Variants in DDX60L observed in about 807,000 individuals in gnomAD.
The protein encoded by DDX60L is probable ATP-dependent RNA helicase DDX60-like.
In DDX60L, 191 loss-of-function variants were observed where a neutral mutation model predicts 211.6. The ratio of observed to expected loss-of-function variants is 0.90; its 90% CI spans 0.80 to 1.02. The LOEUF is 1.02. DDX60L is among the 50% of genes least tolerant of loss of function. The pLI is 0.00. For missense variants in DDX60L, 2,007 were observed against 1,984.1 expected, an observed-to-expected ratio of 1.01 and a Z score of -0.22; for synonymous variants, 706 against 694.1, an observed-to-expected ratio of 1.02 and a Z score of -0.27.
Position 168,357,897 on chromosome 4 carries a change from T to C in DDX60L, c.*250A>G, listed in dbSNP as rs1411481184. The C allele has an allele frequency of 3.1e-6, 1 of 323,462 alleles. No homozygotes were observed. The highest frequency in any genetic ancestry group is 5.6e-6 in the Non-Finnish European group (1 of 177,644). 20.0% of individuals were successfully genotyped at this position (323,462 alleles called of 1,614,324 possible). A position where few individuals can be genotyped will look rare whatever the true frequency, so the allele number is the denominator to read the frequency against. On this transcript the variant is annotated 3_prime_UTR_variant, in exon 38 of 38. Transcript: ENST00000682922. ...AATCCCAATCACTTTTCTTACATTATCTCATTTAATCCTCAAAACAACTAG... is the reference window on the plus strand; with the variant it reads ...AATCCCAATCACTTTTCTTACATTACCTCATTTAATCCTCAAAACAACTAG...
intron 32 of DDX60L, 28 bp from the exon 33 acceptor site, chr4:168,378,503 A>G: frequency 6.8e-7 from 1 of 1,477,230 alleles, no homozygotes; most frequent in Non-Finnish European, 9.1e-7. Context: ...ATTATTATAA[A>G]TAAGAATAAT....
intron 26 of DDX60L, 34 bp from the exon 27 acceptor site, chr4:168,396,158 A>G: frequency 7.9e-7 from 1 of 1,262,710 alleles, no homozygotes; most frequent in South Asian, 1.6e-5. Context: ...ACTTTTAAGT[A>G]ATGAAAACTC....
chr4:168,394,648 A>T, intron 27 of DDX60L, 31 bp from the exon 28 acceptor site: 18 of 1,557,304 alleles, frequency 1.2e-5, no homozygotes, highest in Non-Finnish European at 1.5e-5. Flanking sequence ...AAAACAATTG[A>T]TGATGTATTT....
intron 27 of DDX60L, among the ~76,000 whole-genome samples, chr4:168,395,454 CTG>C (rs1174091474): frequency 6.6e-6 from 1 of 152,178 alleles, no homozygotes; most frequent in African/African-American, 2.4e-5. Context: ...TCTCTCTGAG[CTG>C]TGACATTATT....
chr4:168,460,043 C>T lies in DDX60L; in HGVS notation c.606+1656G>A, dbSNP rs558006735. Among the ~76,000 whole-genome samples the T allele has an allele frequency of 9.9e-5, 15 of 152,030 alleles. No homozygotes were observed. In the East Asian group the frequency reaches 1.7e-3, roughly 18 times the overall value. The stretch of plus-strand genomic sequence containing the variant: ...TTAGAAGGCAATTTTCCAACCAAAA[C>T]AAAAAACAAAGGCGGAGTTCCAATT... On this transcript the variant is annotated intron_variant, in intron 5 of 37. Transcript: ENST00000682922.
In DDX60L at chr4:168,358,160, T is replaced by A; in HGVS notation, c.5108A>T (p.Asn1703Ile). The change falls in exon 38 of 38, where the codon AAT becomes ATT. Residue 1703 changes from asparagine (N) to isoleucine (I), a missense_variant. Physicochemically the swap from Asn to Ile is moderately radical, Grantham distance 149. Transcript: ENST00000682922. The part of the protein sequence containing the change: ...LQEMQIQMSQ[N>I]HLE ...TTTTCCATGGTGTTATTCTAAATGA[T>A]TTTGACTCATTTGAATTTGCATTTC... 1 of 1,608,786 alleles carries A rather than the reference T, an allele frequency of 6.2e-7. No individual in the cohort carries two copies.
At chr4:168,443,831 A>C (rs1487094720) in intron 9 of DDX60L, among the ~76,000 whole-genome samples, 1 of 151,496 alleles carries the variant, frequency 6.6e-6, no homozygotes, top group Non-Finnish European at 1.5e-5. Context: ...AAATGCTGAG[A>C]GATTTTGTCA....
intron 9 of DDX60L, among the ~76,000 whole-genome samples, chr4:168,447,409 T>C (rs1400009596): frequency 6.7e-6 from 1 of 148,626 alleles, no homozygotes; most frequent in Non-Finnish European, 1.5e-5. Flanking sequence ...TGTGGAGAAA[T>C]AGGAATGCTT....
rs765459563 is a variant in DDX60L at position 168,457,968 on chromosome 4, T to C, written c.647A>G (p.Gln216Arg). ...TAAAACCCTTATTTCTTCCAAGTGT[T>C]GTATGAGGCTTTTATATGCACTCTG... The part of the protein sequence containing the change: ...VIQSAYKSLI[Q>R]HLEEIRVLVL... Residue 216 changes from glutamine (Q) to arginine (R), a missense_variant, in exon 6 of 38, where the codon CAA (glutamine) becomes CGA (arginine). Physicochemically the swap from Gln to Arg is conservative, Grantham distance 43 (BLOSUM62 1). Coordinates refer to ENST00000682922, the MANE Select transcript of DDX60L (RefSeq NM_001012967.3). The C allele has an allele frequency of 8.9e-6, 14 of 1,568,804 alleles. No individual in the cohort carries two copies. In the East Asian group the frequency reaches 3.0e-4, roughly 33 times the overall value.
chr4:168,461,244 CA>C (rs1400928959), intron 5 of DDX60L, among the ~76,000 whole-genome samples: 2 of 152,150 alleles, frequency 1.3e-5, no homozygotes, highest in Non-Finnish European at 2.9e-5. Flanking sequence ...CAGATGTGAT[CA>C]AAAGCAGCTC....
chr4:168,381,476 A>C (rs1742943715), intron 30 of DDX60L, among the ~76,000 whole-genome samples: 1 of 152,188 alleles, frequency 6.6e-6, no homozygotes, highest in South Asian at 2.1e-4. Flanking sequence ...AAAGCAATTA[A>C]AATAGAAATC....
chr4:168,430,060 C>G (rs2634943), intron 13 of DDX60L, among the ~76,000 whole-genome samples: 2 of 151,982 alleles, frequency 1.3e-5, no homozygotes, highest in Admixed American at 6.6e-5. Context: ...TTAGCCGGGC[C>G]TGGTGGTGGG....
intron 37 of DDX60L, among the ~76,000 whole-genome samples, chr4:168,360,818 A>T (rs1404630019): frequency 6.6e-6 from 1 of 152,260 alleles, no homozygotes; most frequent in Non-Finnish European, 1.5e-5. Flanking sequence ...GTGACTGCTC[A>T]GCATTTGTAG....
chr4:168,374,930 A>G (rs576231700), intron 34 of DDX60L, among the ~76,000 whole-genome samples: 5 of 152,230 alleles, frequency 3.3e-5, no homozygotes, highest in Non-Finnish European at 7.3e-5. Context: ...CTCATGGTTA[A>G]TAAGTAGCAG....
intron 10 of DDX60L, among the ~76,000 whole-genome samples, chr4:168,437,023 G>C (rs564197171): frequency 2.0e-5 from 3 of 152,256 alleles, no homozygotes; most frequent in Admixed American, 6.5e-5. Context: ...GGGTTCCGTA[G>C]TACATCCCTT....
intron 37 of DDX60L, among the ~76,000 whole-genome samples, chr4:168,360,480 T>C (rs1279303200): frequency 6.6e-6 from 1 of 151,918 alleles, no homozygotes; most frequent in East Asian, 1.9e-4. Flanking sequence ...ACCACAAATA[T>C]GTCCTCACTA....
rs1303521061 is a variant in DDX60L, at chr4:168,457,954, T to C, written c.661A>G (p.Ile221Val). 1 of 1,573,284 alleles carries C rather than the reference T, an allele frequency of 6.4e-7. No homozygotes were observed. The highest frequency in any genetic ancestry group is 8.6e-7 in the Non-Finnish European group (1 of 1,157,110). The change falls in exon 6 of 38, where the codon ATA becomes GTA. Residue 221 changes from isoleucine (I) to valine (V), a missense_variant. Ile to Val is a conservative substitution (Grantham distance 29). Transcript: ENST00000682922. ...YKSLIQHLEE[I>V]RVLVLATHFE... ...TGAGTTGCTAATACTAAAACCCTTA[T>C]TTCTTCCAAGTGTTGTATGAGGCTT...
intron 29 of DDX60L, among the ~76,000 whole-genome samples, chr4:168,391,093 A>C (rs9683472): frequency 0.92 from 139,962 of 152,136 alleles, 65,504 homozygotes; most frequent in East Asian, 1. Context: ...AAACCTACCT[A>C]ATTTAAATGA....
chr4:168,471,066 G>C (rs559803401), intron 4 of DDX60L, among the ~76,000 whole-genome samples: 2 of 152,196 alleles, frequency 1.3e-5, no homozygotes, highest in East Asian at 3.9e-4. Flanking sequence ...CATTAGGTTG[G>C]AGCAAAACTT....
Sources: gnomAD v4.1 joint callset for allele counts (sites outside exome capture counted in the v4.1 genomes callset) on GRCh38, gnomAD v4.1.1 for gene constraint, MANE v1.5 for transcripts, NCBI Gene and HGNC (gene_info 2026-07-23, HGNC 2026-07-21) for gene names.